SLC1A7: variants seen among roughly 807,000 people sequenced by gnomAD.
SLC1A7 encodes excitatory amino acid transporter 5.
A neutral mutation model predicts 47.7 loss-of-function variants in SLC1A7; 40 were observed. The ratio of observed to expected loss-of-function variants is 0.84; its 90% CI spans 0.65 to 1.09. The LOEUF (loss-of-function observed/expected upper bound fraction) is 1.09. Ranked by LOEUF, SLC1A7 falls within the 50% of genes least tolerant of loss-of-function variation. The pLI is 0.00. For synonymous variants in SLC1A7, 323 were observed against 325.6 expected (o/e 0.99, Z 0.09); for missense variants, 746 against 769.5 (o/e 0.97, Z 0.36).
At chr1:53,126,107 T>A (rs1015859891) in intron 2 of SLC1A7, among the ~76,000 whole-genome samples, 1 of 152,270 alleles carries the variant, frequency 6.6e-6, no homozygotes, top group African/African-American at 2.4e-5. Context: ...AGTGGGTTGC[T>A]GTTTCTTTAA....
At chr1:53,125,915 A>T (rs1249144070) in intron 2 of SLC1A7, among the ~76,000 whole-genome samples, 1 of 152,234 alleles carries the variant, frequency 6.6e-6, no homozygotes, top group Non-Finnish European at 1.5e-5. Flanking sequence ...CCAGAGGGAC[A>T]CACTGGGCTT....
chr1:53,096,672 A>G (rs12753377), intron 5 of SLC1A7, among the ~76,000 whole-genome samples: 20,047 of 146,842 alleles, frequency 0.14, 1,468 homozygotes, highest in Middle Eastern at 0.22. Context: ...ACACTGCCTC[A>G]GTACACACAC....
chr1:53,090,177 G>A (rs912566762), intron 8 of SLC1A7: 2 of 593,392 alleles, frequency 3.4e-6, no homozygotes, highest in African/African-American at 3.7e-5. Flanking sequence ...ACCTGTGTCT[G>A]GAGCTGTGCC....
intron 2 of SLC1A7, among the ~76,000 whole-genome samples, chr1:53,122,016 G>A (rs553092955): frequency 2.6e-5 from 4 of 152,150 alleles, no homozygotes; most frequent in African/African-American, 9.6e-5. Context: ...GGGAGCAGCT[G>A]GGGGGCTGGG....
chr1:53,115,081 C>T (rs1387862675), intron 2 of SLC1A7, 108 bp from the exon 3 acceptor site: 1 of 781,606 alleles, frequency 1.3e-6, no homozygotes, highest in African/African-American at 1.7e-5. Context: ...CACAGTGCTC[C>T]AGGGAACCCC....
intron 1 of SLC1A7, among the ~76,000 whole-genome samples, chr1:53,137,242 G>C (rs971951617): frequency 7.1e-6 from 1 of 140,372 alleles, no homozygotes; most frequent in South Asian, 2.2e-4. Context: ...AGCTAAGATC[G>C]CACCACTGCA....
intron 7 of SLC1A7, 133 bp from the exon 8 acceptor site, chr1:53,090,939 G>A: frequency 6.5e-7 from 1 of 1,535,092 alleles, no homozygotes; most frequent in Non-Finnish European, 8.8e-7. Context: ...TGCTCCGGCA[G>A]GAGGTAAGGA....
chr1:53,140,251 C>A (rs1402431257), intron 1 of SLC1A7, among the ~76,000 whole-genome samples: 13 of 152,220 alleles, frequency 8.5e-5, no homozygotes, highest in Admixed American at 8.5e-4. Context: ...GGAAAGGCAG[C>A]TTTGGCAAAG....
At chr1:53,093,411 C>T in intron 6 of SLC1A7, 50 bp downstream of exon 6, 1 of 1,413,078 alleles carries the variant, frequency 7.1e-7, no homozygotes. Context: ...TGTCTTCCCT[C>T]CATCCACCCA....
intron 5 of SLC1A7, among the ~76,000 whole-genome samples, chr1:53,095,501 A>G (rs1243412780): frequency 1.4e-5 from 2 of 147,560 alleles, no homozygotes; most frequent in African/African-American, 5.1e-5. Flanking sequence ...CCGCCTCGGT[A>G]CACTCACACA....
chr1:53,105,559 G>A (rs890599672), intron 4 of SLC1A7, among the ~76,000 whole-genome samples, 173 bp downstream of exon 4: 1 of 152,052 alleles, frequency 6.6e-6, no homozygotes, highest in African/African-American at 2.4e-5. Context: ...TGGCCATGGG[G>A]GTCTCTAAGG....
In SLC1A7 at chr1:53,127,008, G is replaced by A. The variant is rs1401100082; in HGVS notation, c.215+7342C>T. ...CTCCCAAGTAGCCAGGACTACAGGTGCCCACCATCATGCCTGGCTAATTTT... is the reference window on the plus strand; with the variant it reads ...CTCCCAAGTAGCCAGGACTACAGGTACCCACCATCATGCCTGGCTAATTTT... On this transcript the variant is annotated intron_variant, in intron 2 of 10. Transcript: ENST00000371494. Among the ~76,000 whole-genome samples the A allele has an allele frequency of 2.8e-5, 4 of 145,442 alleles. No homozygotes were observed. In the East Asian group the frequency reaches 8.1e-4, roughly 30 times the overall value.
At chr1:53,093,619 G>T in intron 5 of SLC1A7, 59 bp from the exon 6 acceptor site, 1 of 1,371,376 alleles carries the variant, frequency 7.3e-7, no homozygotes, top group Non-Finnish European at 1.0e-6. Flanking sequence ...GGCCCACATG[G>T]GTCTCAGCAT....
intron 1 of SLC1A7, among the ~76,000 whole-genome samples, chr1:53,135,569 A>G (rs4926957): frequency 0.4 from 60,186 of 152,014 alleles, 14,119 homozygotes; most frequent in African/African-American, 0.66. Flanking sequence ...CTCCTTGCCC[A>G]ATAAGCTGTC....
chr1:53,134,816 C>T (rs1644975179), intron 1 of SLC1A7, among the ~76,000 whole-genome samples: 1 of 152,058 alleles, frequency 6.6e-6, no homozygotes, highest in African/African-American at 2.4e-5. Context: ...CCTATATGTA[C>T]ATACCTACGA....
intron 9 of SLC1A7, among the ~76,000 whole-genome samples, 181 bp downstream of exon 9, chr1:53,089,619 C>T (rs1369861297): frequency 6.6e-6 from 1 of 152,176 alleles, no homozygotes; most frequent in East Asian, 1.9e-4. Context: ...TTTTTGAACA[C>T]TGGACCCCAC....
chr1:53,141,351 G>T (rs143357712), intron 1 of SLC1A7, among the ~76,000 whole-genome samples: 1,521 of 152,042 alleles, frequency 0.01, 20 homozygotes, highest in African/African-American at 0.035. Context: ...TAAATCTCCA[G>T]CCATCTTTGT....
chr1:53,108,349 A>G lies in SLC1A7; in HGVS notation c.432-2575T>C, dbSNP rs150033187. ...AAATGGAACTTATACCTATATAGAC[A>G]TTTCTTTACAACTTCCTTTACAATT... On this transcript the variant is annotated intron_variant, in intron 3 of 10. Coordinates refer to ENST00000371494, the MANE Select transcript of SLC1A7 (RefSeq NM_006671.6). 1.8e-4 allele frequency: 104 copies of G among 567,812 alleles called. 4 individuals are homozygous for G. The highest frequency in any genetic ancestry group is 1.8e-3 in the African/African-American group (93 of 52,814). 35.2% of individuals were successfully genotyped at this position (567,812 alleles called of 1,614,324 possible).
chr1:53,117,755 G>A (rs1234371796), intron 2 of SLC1A7, among the ~76,000 whole-genome samples: 1 of 152,230 alleles, frequency 6.6e-6, no homozygotes, highest in African/African-American at 2.4e-5. Context: ...CCCCACCGGG[G>A]ACGAAGAGGC....
Sources: allele counts gnomAD v4.1 joint callset (sites outside exome capture counted in the v4.1 genomes callset), GRCh38; gene constraint gnomAD v4.1.1; transcripts MANE v1.5; gene names NCBI Gene and HGNC (gene_info 2026-07-23, HGNC 2026-07-21).